Variants in SERPINB7 observed in about 807,000 individuals in gnomAD.
SERPINB7 encodes the protein serpin B7.
SERPINB7 carries 31 observed loss-of-function variants against 37.4 expected under a neutral mutation model. The observed-to-expected ratio is 0.83, with a 90% CI of 0.62 to 1.12. The LOEUF is 1.12. Among genes scored for constraint, SERPINB7 ranks in the 50% most tolerant of loss-of-function variants. The pLI, the probability that SERPINB7 is intolerant of heterozygous loss-of-function variation, is 0.00. For missense variants in SERPINB7, 521 were observed against 455.3 expected (o/e 1.14, Z -1.31); for synonymous variants, 163 against 166.1 (o/e 0.98, Z 0.14).
intron 2 of SERPINB7, among the ~76,000 whole-genome samples, chr18:63,784,516 A>T (rs904931564): frequency 6.6e-6 from 1 of 152,246 alleles, no homozygotes; most frequent in Non-Finnish European, 1.5e-5. Flanking sequence ...GGGTATTTTG[A>T]TAAATAAATA....
chr18:63,783,234 GAAAGAA>G (rs576690711), intron 2 of SERPINB7, among the ~76,000 whole-genome samples: 62 of 62,486 alleles, frequency 9.9e-4, no homozygotes, highest in Non-Finnish European at 1.4e-3. Context: ...GAGAGAGAGA[GAAAGAA>G]AGAAAGAAAG....
chr18:63,781,382 T>C (rs2049299438), intron 1 of SERPINB7, among the ~76,000 whole-genome samples: 4 of 152,234 alleles, frequency 2.6e-5, no homozygotes, highest in Admixed American at 2.6e-4. Flanking sequence ...AGCAACAGGG[T>C]TGAGACTTGG....
At chr18:63,756,237 A>G (rs1218415781) in intron 1 of SERPINB7, among the ~76,000 whole-genome samples, 1 of 152,220 alleles carries the variant, frequency 6.6e-6, no homozygotes, top group Non-Finnish European at 1.5e-5. Flanking sequence ...ACACAAAGCC[A>G]AGGCCAGAAA....
At chr18:63,770,627 A>G (rs186921243), upstream of SERPINB7, among the ~76,000 whole-genome samples, 88 of 152,142 alleles carry the variant, frequency 5.8e-4, no homozygotes, top group South Asian at 3.5e-3. Flanking sequence ...TGTTGTTGAT[A>G]GTAAACTCTA....
chr18:63,762,748 G>A (rs1462636834), intron 1 of SERPINB7, among the ~76,000 whole-genome samples: 1 of 152,104 alleles, frequency 6.6e-6, no homozygotes, highest in Non-Finnish European at 1.5e-5. Context: ...GACTTTCCAT[G>A]TACAAATGTT....
chr18:63,798,957 T>A (rs915887428), intron 6 of SERPINB7, among the ~76,000 whole-genome samples: 1 of 152,224 alleles, frequency 6.6e-6, no homozygotes, highest in African/African-American at 2.4e-5. Context: ...ACGTGTCTTG[T>A]AAATTGGTAT....
chr18:63,776,894 G>C (rs1461547817), intron 1 of SERPINB7, among the ~76,000 whole-genome samples: 2 of 151,702 alleles, frequency 1.3e-5, no homozygotes, highest in Non-Finnish European at 2.9e-5. Flanking sequence ...TTTTCTGATG[G>C]GGGTAGATAT....
chr18:63,756,075 ATAT>A (rs983273924), intron 1 of SERPINB7, among the ~76,000 whole-genome samples: 14 of 130,298 alleles, frequency 1.1e-4, no homozygotes, highest in African/African-American at 3.2e-4. Context: ...TATAATATAA[ATAT>A]TATATATAGG....
chr18:63,792,501 G>T, intron 3 of SERPINB7, 58 bp downstream of exon 3: 1 of 1,154,942 alleles, frequency 8.7e-7, no homozygotes. Flanking sequence ...AGGGGCTCAA[G>T]CCTGTAATAC....
intron 1 of SERPINB7, among the ~76,000 whole-genome samples, chr18:63,781,476 T>C (rs1043982976): frequency 6.6e-5 from 10 of 152,234 alleles, no homozygotes; most frequent in Non-Finnish European, 1.3e-4. Flanking sequence ...TCATTGGACA[T>C]TCATGAGGAA....
At chr18:63,789,145 T>C (rs948126473) in intron 2 of SERPINB7, among the ~76,000 whole-genome samples, 2 of 152,162 alleles carry the variant, frequency 1.3e-5, no homozygotes, top group African/African-American at 4.8e-5. Flanking sequence ...TTCCAATATG[T>C]TCTCAGCCTT....
chr18:63,786,101 ATATATATG>A lies in SERPINB7; in HGVS notation c.168+3577_168+3584del, dbSNP rs1407984252. On this transcript the variant is annotated intron_variant, in intron 2 of 7. Coordinates refer to ENST00000398019, the MANE Select transcript of SERPINB7 (RefSeq NM_003784.4). Reference sequence around the variant, plus strand: ...ATACATATATACATATAATATAAGTATATATATGTATATATGTATATATATACGTATAT... The same window carrying A: ...ATACATATATACATATAATATAAGTATATATATGTATATATATACGTATAT... Among the ~76,000 whole-genome samples the A allele has an allele frequency of 2.3e-5, 3 of 133,022 alleles. 1 individual carries two copies. The highest frequency in any genetic ancestry group is 6.0e-5 in the African/African-American group (2 of 33,582). The allele number at this position is 133,022 out of a possible 152,430, so 87.3% of individuals were successfully genotyped here.
At chr18:63,795,208 A>G (rs1452051766) in intron 4 of SERPINB7, among the ~76,000 whole-genome samples, 1 of 152,200 alleles carries the variant, frequency 6.6e-6, no homozygotes, top group Non-Finnish European at 1.5e-5. Context: ...CAAAGGTAAA[A>G]AGGATGCATT....
chr18:63,771,993 A>C (rs1452879529), upstream of SERPINB7, among the ~76,000 whole-genome samples: 1 of 151,812 alleles, frequency 6.6e-6, no homozygotes, highest in Non-Finnish European at 1.5e-5. Flanking sequence ...TAAGTTCAGG[A>C]ATACATGTGC....
rs1313152905 is a variant in SERPINB7, at chr18:63,793,843, T to C, written c.336+566T>C. Among the ~76,000 whole-genome samples the C allele has an allele frequency of 7.2e-5, 11 of 152,232 alleles. No homozygotes were observed. The East Asian group carries it at 2.1e-3, about 29-fold the overall frequency. On this transcript the variant is annotated intron_variant, in intron 4 of 7. Transcript: ENST00000398019. The stretch of plus-strand genomic sequence containing the variant: ...TCACTTAAGTTTTATGTATTTTTTT[T>C]AAGGACATAGACAAGTCTTAGAAGG...
rs75607936 is a variant in SERPINB7, at chr18:63,798,588, A to T, written c.455-16A>T. On this transcript the variant is annotated splice_polypyrimidine_tract_variant and intron_variant, in intron 5 of 7. Transcript: ENST00000398019. ...TATTAAAATAAACATTTTTCCCTCA[A>T]TTTTTTTTTCAAAAGGCAAAATCAA... 5.4e-6 allele frequency: 8 copies of T among 1,483,770 alleles called. No individual in the cohort carries two copies. The highest frequency in any genetic ancestry group is 4.1e-5 in the South Asian group (3 of 73,346). The allele number at this position is 1,483,770 out of a possible 1,614,324, so 91.9% of individuals were successfully genotyped here. A position where few individuals can be genotyped will look rare whatever the true frequency, so the allele number is the denominator to read the frequency against.
At chr18:63,777,731 G>A (rs2049262560) in intron 1 of SERPINB7, 1 of 152,054 alleles carries the variant, frequency 6.6e-6, no homozygotes, top group Non-Finnish European at 1.5e-5. Context: ...AAAGTAGGGA[G>A]TGTCTGAGTC....
intron 1 of SERPINB7, among the ~76,000 whole-genome samples, chr18:63,761,070 GCC>G (rs1238992742): frequency 6.6e-6 from 1 of 152,200 alleles, no homozygotes; most frequent in African/African-American, 2.4e-5. Context: ...GCCTGGAAAA[GCC>G]ACACACACTC....
intron 1 of SERPINB7, among the ~76,000 whole-genome samples, chr18:63,757,414 A>G (rs1484267221): frequency 6.6e-6 from 1 of 152,204 alleles, no homozygotes; most frequent in Non-Finnish European, 1.5e-5. Flanking sequence ...CTAATTTGCT[A>G]TTATCTGTTG....
Sources: allele counts gnomAD v4.1 joint callset (sites outside exome capture counted in the v4.1 genomes callset), GRCh38; gene constraint gnomAD v4.1.1; transcripts MANE v1.5; gene names NCBI Gene and HGNC (gene_info 2026-07-23, HGNC 2026-07-21).